MAT2A: variants seen among roughly 807,000 people sequenced by gnomAD.
MAT2A encodes the protein S-adenosylmethionine synthase isoform type-2.
MAT2A carries 3 observed loss-of-function variants against 43.9 expected under a neutral mutation model. That is an observed-to-expected ratio of 0.07 (90% CI 0.03 to 0.18). The LOEUF (loss-of-function observed/expected upper bound fraction) is 0.18, where lower values mean the gene tolerates loss of function less well. Among genes scored for constraint, MAT2A ranks in the 10% least tolerant of loss-of-function variants. The pLI, the probability that MAT2A is intolerant of heterozygous loss-of-function variation, is 1.00. For synonymous variants in MAT2A, 200 were observed against 168.4 expected (o/e 1.19, Z -1.45); for missense variants, 204 against 489.0 (o/e 0.42, Z 5.50).
rs749417454 is a variant in MAT2A, at chr2:85,541,750, C to G, written c.405+5C>G. 3.1e-6 allele frequency: 5 copies of G among 1,613,952 alleles called. No individual in the cohort carries two copies. Among genetic ancestry groups the G allele is most frequent in the South Asian group, 1.1e-5 (1 of 91,066 alleles). On this transcript the variant is annotated splice_donor_5th_base_variant and intron_variant, in intron 4 of 8. Coordinates refer to ENST00000306434, the MANE Select transcript of MAT2A (RefSeq NM_005911.6). ...GACATTGGTGCTGGAGACCAGGTATCTTGGTGTAGAGGCTGTTTTAATCTC... is the reference window on the plus strand; with the variant it reads ...GACATTGGTGCTGGAGACCAGGTATGTTGGTGTAGAGGCTGTTTTAATCTC...
chr2:85,541,492 G>C, intron 3 of MAT2A, 115 bp downstream of exon 3: 1 of 1,367,306 alleles, frequency 7.3e-7, no homozygotes, highest in South Asian at 1.4e-5. Context: ...TATACACTAA[G>C]CCCTATTCTG....
At position 85,542,581 on chromosome 2, in the gene MAT2A, C is replaced by G; in HGVS notation, c.785C>G (p.Thr262Ser). The change falls in exon 7 of 9, where the codon ACT becomes AGT. Residue 262 changes from threonine to serine, a missense_variant. By Grantham distance (58) the Thr-to-Ser change is moderately conservative. Coordinates refer to ENST00000306434, the MANE Select transcript of MAT2A (RefSeq NM_005911.6). ...IGGPQGDAGL[T>S]GRKIIVDTYG... ...TAATTTCAGGGTGATGCTGGTTTGA[C>G]TGGACGCAAAATCATTGTGGACACT... is the stretch of plus-strand genomic sequence containing the variant. 1 of 1,613,932 alleles carries G rather than the reference C, an allele frequency of 6.2e-7. No individual in the cohort carries two copies. The highest frequency in any genetic ancestry group is 8.5e-7 in the Non-Finnish European group (1 of 1,179,924).
At position 85,542,131 on chromosome 2, in the gene MAT2A, C is replaced by T. The variant is rs551249605; in HGVS notation, c.550-24C>T. ...CAAAGTTATTGTTTGGTGTGATGTTCTGATGACCTGTGTTGCCTTCAAGGT... is the reference window on the plus strand; with the variant it reads ...CAAAGTTATTGTTTGGTGTGATGTTTTGATGACCTGTGTTGCCTTCAAGGT... On this transcript the variant is annotated intron_variant, in intron 5 of 8. Transcript: ENST00000306434. The T allele has an allele frequency of 3.1e-6, 5 of 1,599,410 alleles. No individual in the cohort carries two copies. In the South Asian group the frequency reaches 3.3e-5, roughly 11 times the overall value.
At chr2:85,541,465 C>T (rs1215689526) in intron 3 of MAT2A, 88 bp downstream of exon 3, 5 of 1,497,706 alleles carry the variant, frequency 3.3e-6, no homozygotes, top group Non-Finnish European at 4.5e-6. Context: ...TAATCCTAAA[C>T]TCCAGTTGTA....
Position 85,541,057 on chromosome 2 carries a change from C to G in MAT2A, c.92-26C>G, listed in dbSNP as rs1026076432. ...CATACTTTGTTTAAAGTTAAAGAAA[C>G]TGAGCCAGGAATTTCTCTTTTCCAG... On this transcript the variant is annotated intron_variant, in intron 1 of 8. Coordinates refer to ENST00000306434, the MANE Select transcript of MAT2A (RefSeq NM_005911.6). 5 of 1,562,016 alleles carry G rather than the reference C, an allele frequency of 3.2e-6. No individual in the cohort carries two copies. In the African/African-American group the frequency reaches 5.4e-5, roughly 17 times the overall value.
At position 85,543,662 on chromosome 2, in the gene MAT2A, T is replaced by C. The variant is rs1691535764; in HGVS notation, c.1086-8T>C. ...CTACATATTAAGTTACGGACTTGTA[T>C]ATTCCAGGGATCTGGATCTGAAGAA... On this transcript the variant is annotated splice_polypyrimidine_tract_variant and splice_region_variant and intron_variant, in intron 8 of 8. Coordinates refer to ENST00000306434, the MANE Select transcript of MAT2A (RefSeq NM_005911.6). 4.5e-6 allele frequency: 7 copies of C among 1,559,336 alleles called. No individual in the cohort carries two copies. Among genetic ancestry groups the C allele is most frequent in the Non-Finnish European group, 6.2e-6 (7 of 1,133,334 alleles).
At chr2:85,542,046 C>G in intron 5 of MAT2A, 74 bp downstream of exon 5, 1 of 1,588,420 alleles carries the variant, frequency 6.3e-7, no homozygotes, top group Admixed American at 1.7e-5. Context: ...TTGATAATAG[C>G]TAACTGGAAA....
At chr2:85,543,194 T>G in intron 8 of MAT2A, 160 bp downstream of exon 8, 1 of 767,320 alleles carries the variant, frequency 1.3e-6, no homozygotes, top group East Asian at 2.6e-5. Context: ...AGTGAAGACT[T>G]AGTTATTTGA....
At position 85,541,830 on chromosome 2, in the gene MAT2A, G is replaced by A; in HGVS notation, c.407G>A (p.Gly136Asp). Residue 136 changes from glycine (G) to aspartate (D), a missense_variant and splice_region_variant, in exon 5 of 9, where the codon GGC becomes GAC. Coordinates refer to ENST00000306434, the MANE Select transcript of MAT2A (RefSeq NM_005911.6). ...NEEDIGAGDQ[G>D]LMFGYATDET... ...CATTGGTGACTTTTCTTTCTTTAGGGCTTAATGTTTGGCTATGCCACTGAT... is the reference window on the plus strand; with the variant it reads ...CATTGGTGACTTTTCTTTCTTTAGGACTTAATGTTTGGCTATGCCACTGAT... 1 of 1,614,102 alleles carries A rather than the reference G, an allele frequency of 6.2e-7. No homozygotes were observed. The highest frequency in any genetic ancestry group is 8.5e-7 in the Non-Finnish European group (1 of 1,179,946).
In MAT2A at chr2:85,544,574, G is replaced by GGC. The variant is rs1375156011; in HGVS notation, c.*803_*804dup. On this transcript the variant is annotated 3_prime_UTR_variant, in exon 9 of 9. Coordinates refer to ENST00000306434, the MANE Select transcript of MAT2A (RefSeq NM_005911.6). ...ACCAACTCCTAGTTCTAGAAAAACA[G>GGC]GCACTTGGCAGCCTTGTGATGTCAT... 3 of 152,678 alleles carry GGC rather than the reference G, an allele frequency of 2.0e-5. No homozygotes were observed. The highest frequency in any genetic ancestry group is 7.2e-5 in the African/African-American group (3 of 41,452). The allele number at this position is 152,678 out of a possible 1,614,324, so 9.5% of individuals were successfully genotyped here.
Position 85,541,765 on chromosome 2 carries a change from G to GT in MAT2A, c.405+24dup, listed in dbSNP as rs1159383055. ...GACCAGGTATCTTGGTGTAGAGGCT[G>GT]TTTTAATCTCTTCTAACATTAAATT... On this transcript the variant is annotated intron_variant, in intron 4 of 8. Transcript: ENST00000306434. 1 of 1,613,420 alleles carries GT rather than the reference G, an allele frequency of 6.2e-7. No homozygotes were observed. Among genetic ancestry groups the GT allele is most frequent in the African/African-American group, 1.3e-5 (1 of 74,924 alleles).
At position 85,539,305 on chromosome 2, in the gene MAT2A, C is replaced by T. The variant is rs1440937330; in HGVS notation, c.18C>T (p.Asn6=). ...ACACCAACATGAACGGACAGCTCAACGGCTTCCACGAGGCGTTCATCGAGG... is the reference window on the plus strand; with the variant it reads ...ACACCAACATGAACGGACAGCTCAATGGCTTCCACGAGGCGTTCATCGAGG... The part of the protein sequence containing the change: MNGQL[N]GFHEAFIEEG... The change falls in exon 1 of 9, where the codon AAC becomes AAT. Residue 6 remains asparagine, a synonymous_variant. Transcript: ENST00000306434. 1.2e-6 allele frequency: 2 copies of T among 1,605,266 alleles called. No individual in the cohort carries two copies. The highest frequency in any genetic ancestry group is 1.7e-5 in the Admixed American group (1 of 59,116).
At position 85,539,250 on chromosome 2, in the gene MAT2A, G is replaced by A. The variant is rs369764844; in HGVS notation, c.-38G>A. On this transcript the variant is annotated 5_prime_UTR_variant, in exon 1 of 9. Transcript: ENST00000306434. ...TCGCAGCCGCTGCCGCCTCGCCGCT[G>A]CTCCTTCGTAAGGCCACTTCCGCAC... 2.0e-6 allele frequency: 3 copies of A among 1,481,530 alleles called. No homozygotes were observed. Among genetic ancestry groups the A allele is most frequent in the South Asian group, 1.2e-5 (1 of 85,524 alleles). 91.8% of individuals were successfully genotyped at this position (1,481,530 alleles called of 1,614,324 possible). A position where few individuals can be genotyped will look rare whatever the true frequency, so the allele number is the denominator to read the frequency against.
At position 85,539,386 on chromosome 2, in the gene MAT2A, GA is replaced by G; in HGVS notation, c.91+9del. 6.3e-7 allele frequency: 1 copy of G among 1,598,010 alleles called. No homozygotes were observed. The highest frequency in any genetic ancestry group is 8.5e-7 in the Non-Finnish European group (1 of 1,173,174). On this transcript the variant is annotated intron_variant, in intron 1 of 8. Coordinates refer to ENST00000306434, the MANE Select transcript of MAT2A (RefSeq NM_005911.6). ...TCGGGGAAGGCCACCCAGGTGAGGG[GA>G]CGGCCTGAAGCGAAGCGTGGGGCGG...
In MAT2A at chr2:85,541,681, C is replaced by A; in HGVS notation, c.341C>A (p.Ser114Ter). ...CNVLVALEQQ[S>*]PDIAQGVHLD... is the part of the protein sequence containing the mutation. ...GTGCTGGTAGCCTTGGAGCAACAGT[C>A]ACCAGATATTGCTCAAGGTGTTCAT... Residue 114 changes from serine (S) to a stop codon, truncating the protein, a stop_gained, in exon 4 of 9, where the codon TCA (serine) becomes TAA (stop). Transcript: ENST00000306434. LOFTEE classifies it high-confidence loss of function. 2 of 1,613,958 alleles carry A rather than the reference C, an allele frequency of 1.2e-6. No individual in the cohort carries two copies. Among genetic ancestry groups the A allele is most frequent in the South Asian group, 2.2e-5 (2 of 91,016 alleles).
rs1463280383 is a variant in MAT2A at position 85,543,053 on chromosome 2, G to A, written c.1085+19G>A. The A allele has an allele frequency of 2.5e-6, 4 of 1,609,720 alleles. No homozygotes were observed. Among genetic ancestry groups the A allele is most frequent in the Admixed American group, 3.4e-5 (2 of 59,650 alleles). ...TTGTCAGGTAAAGATGGTAAAGCCT[G>A]TTGCTAGTCAAGTATTGAGGGTGTT... On this transcript the variant is annotated intron_variant, in intron 8 of 8. Transcript: ENST00000306434.
chr2:85,541,992 C>T lies in MAT2A; in HGVS notation c.549+20C>T, dbSNP rs1691486411. The T allele has an allele frequency of 1.2e-6, 2 of 1,607,010 alleles. No homozygotes were observed. Among genetic ancestry groups the T allele is most frequent in the Non-Finnish European group, 1.7e-6 (2 of 1,174,450 alleles). On this transcript the variant is annotated intron_variant, in intron 5 of 8. Transcript: ENST00000306434. Reference sequence around the variant, plus strand: ...ACTCAAGTAAGTGATGATCATAAAGCTTGGTTGTCTCATTTATTACATCAG... The same window carrying T: ...ACTCAAGTAAGTGATGATCATAAAGTTTGGTTGTCTCATTTATTACATCAG...
chr2:85,539,390 G>A lies in MAT2A; in HGVS notation c.91+12G>A, dbSNP rs1221411558. The A allele has an allele frequency of 5.7e-6, 9 of 1,592,542 alleles. No individual in the cohort carries two copies. Among genetic ancestry groups the A allele is most frequent in the Non-Finnish European group, 7.7e-6 (9 of 1,170,476 alleles). ...GGAAGGCCACCCAGGTGAGGGGACG[G>A]CCTGAAGCGAAGCGTGGGGCGGGGC... On this transcript the variant is annotated intron_variant, in intron 1 of 8. Coordinates refer to ENST00000306434, the MANE Select transcript of MAT2A (RefSeq NM_005911.6).
intron 6 of MAT2A, 26 bp downstream of exon 6, chr2:85,542,399 T>C: frequency 1.9e-6 from 3 of 1,605,460 alleles, no homozygotes; most frequent in Non-Finnish European, 1.7e-6. Context: ...TGCATTTTTC[T>C]GGATTTTTGA....
Sources: gnomAD v4.1 joint callset for allele counts on GRCh38, gnomAD v4.1.1 for gene constraint, MANE v1.5 for transcripts, NCBI Gene and HGNC (gene_info 2026-07-23, HGNC 2026-07-21) for gene names.